The following ACSF3 variants were observed in gnomAD, a reference collection of about 807,000 sequenced individuals.
The protein encoded by ACSF3 is acyl-CoA synthetase family member 3.
Under a neutral mutation model 53.2 loss-of-function variants are expected in ACSF3, and 78 were observed. The ratio of observed to expected loss-of-function variants is 1.47; its 90% CI spans 1.22 to 1.77. ACSF3 has a LOEUF of 1.77. ACSF3 is among the 40% of genes most tolerant of loss of function. The pLI, the probability that ACSF3 is intolerant of heterozygous loss-of-function variation, is 0.00. For missense variants in ACSF3, 937 were observed against 771.1 expected (o/e 1.22, Z -2.55); for synonymous variants, 414 against 333.1 (o/e 1.24, Z -2.65).
rs151018123 is a variant in ACSF3, at chr16:89,154,612, C to T, written c.*405C>T. ...AAGCCCCTGTCCCACGCCGTCTGCA[C>T]GTGCCTGTGCCTCACCCAGAGCCAG... On this transcript the variant is annotated 3_prime_UTR_variant, in exon 11 of 11. Transcript: ENST00000614302. 85 of 455,604 alleles carry T rather than the reference C, an allele frequency of 1.9e-4. No homozygotes were observed. The highest frequency in any genetic ancestry group is 1.5e-3 in the African/African-American group (75 of 50,178). The allele number at this position is 455,604 out of a possible 1,614,324, so 28.2% of individuals were successfully genotyped here. A position where few individuals can be genotyped will look rare whatever the true frequency, so the allele number is the denominator to read the frequency against.
chr16:89,108,300 G>C (rs940883105), intron 4 of ACSF3, among the ~76,000 whole-genome samples: 2 of 152,170 alleles, frequency 1.3e-5, no homozygotes, highest in Admixed American at 6.5e-5. Context: ...TGTCCCTACA[G>C]AGGTTCTCCG....
rs1429070906 is a variant in ACSF3 at position 89,098,701 on chromosome 16, G to A, written c.-83G>A. 4.4e-6 allele frequency: 2 copies of A among 454,116 alleles called. No individual in the cohort carries two copies. The highest frequency in any genetic ancestry group is 8.8e-6 in the Non-Finnish European group (2 of 226,786). The allele number at this position is 454,116 out of a possible 1,614,324, so 28.1% of individuals were successfully genotyped here. On this transcript the variant is annotated 5_prime_UTR_variant, in exon 2 of 11. The change creates a new upstream start codon in the 5' untranslated region. Transcript: ENST00000614302. ...TGCCCTTCCACCTGCTGAAGCAGCT[G>A]TGCCTGCCGCTCTTGTGAACTGCGA...
At chr16:89,116,082 T>C (rs1351686394) in intron 6 of ACSF3, among the ~76,000 whole-genome samples, 1 of 152,222 alleles carries the variant, frequency 6.6e-6, no homozygotes, top group Non-Finnish European at 1.5e-5. Context: ...TTTCAGCTCT[T>C]ACGTTTGGGA....
chr16:89,102,809 C>G (rs574607665), intron 4 of ACSF3, 50 bp downstream of exon 4: 24 of 1,521,044 alleles, frequency 1.6e-5, no homozygotes, highest in Middle Eastern at 1.7e-4. Context: ...AGGCGCCTTT[C>G]CCCTGTCGGG....
At position 89,146,061 on chromosome 16, in the gene ACSF3, T is replaced by TGGGGGGGGG; in HGVS notation, c.1613+16_1613+17insGGGGGGGGG. 5 of 356,100 alleles carry TGGGGGGGGG rather than the reference T, an allele frequency of 1.4e-5. No homozygotes were observed. The highest frequency in any genetic ancestry group is 7.3e-5 in the East Asian group (1 of 13,720). 22.1% of individuals were successfully genotyped at this position (356,100 alleles called of 1,614,324 possible). ...AAAGAGTGGGCCAGGTAGGGCTGGG[T>TGGGGGGGGG]GGGGCGGGCAGGGAGCACTCATGGG... On this transcript the variant is annotated intron_variant, in intron 10 of 10. Coordinates refer to ENST00000614302, the MANE Select transcript of ACSF3 (RefSeq NM_001243279.3).
At chr16:89,150,336 ACTCAGCAGCAG>A (rs1317339989) in intron 10 of ACSF3, 1 of 152,682 alleles carries the variant, frequency 6.5e-6, no homozygotes, top group African/African-American at 2.4e-5. Flanking sequence ...GAGCACTGCC[ACTCAGCAGCAG>A]CTGCTGCTTT....
At chr16:89,115,835 T>A (rs1905038172) in intron 6 of ACSF3, among the ~76,000 whole-genome samples, 1 of 152,206 alleles carries the variant, frequency 6.6e-6, no homozygotes, top group Non-Finnish European at 1.5e-5. Flanking sequence ...TGTCATTCCG[T>A]TTTCAACTGG....
chr16:89,120,666 G>C, intron 6 of ACSF3, 135 bp from the exon 7 acceptor site: 1 of 837,642 alleles, frequency 1.2e-6, no homozygotes, highest in Non-Finnish European at 2.1e-6. Context: ...TGGGTCACAG[G>C]GCACGTCGCT....
At chr16:89,147,264 T>G (rs373138202) in intron 10 of ACSF3, among the ~76,000 whole-genome samples, 42 of 24,760 alleles carry the variant, frequency 1.7e-3, no homozygotes, top group African/African-American at 3.0e-3. Flanking sequence ...ACAGAGTGAG[T>G]GAGGGAGGAG....
At chr16:89,153,503 G>T (rs538162345) in intron 10 of ACSF3, 6 of 154,376 alleles carry the variant, frequency 3.9e-5, no homozygotes, top group Non-Finnish European at 5.7e-5. Flanking sequence ...CCATGAGGAA[G>T]GGGGACCCTG....
chr16:89,142,038 A>G (rs943358888), intron 8 of ACSF3, among the ~76,000 whole-genome samples: 6 of 152,194 alleles, frequency 3.9e-5, no homozygotes, highest in African/African-American at 1.2e-4. Context: ...TCCGGCACAG[A>G]AGCCTGGGGC....
At chr16:89,119,711 G>A (rs146887886) in intron 6 of ACSF3, among the ~76,000 whole-genome samples, 1 of 152,188 alleles carries the variant, frequency 6.6e-6, no homozygotes, top group South Asian at 2.1e-4. Flanking sequence ...AACTCCCGAG[G>A]TGACACTCCG....
chr16:89,142,808 G>T (rs1400380601), intron 8 of ACSF3, among the ~76,000 whole-genome samples: 2 of 152,178 alleles, frequency 1.3e-5, no homozygotes, highest in African/African-American at 4.8e-5. Flanking sequence ...CACACCTGCA[G>T]ACACACCCAC....
chr16:89,126,815 C>T (rs938388852), intron 7 of ACSF3, among the ~76,000 whole-genome samples: 2 of 152,224 alleles, frequency 1.3e-5, no homozygotes, highest in African/African-American at 2.4e-5. Flanking sequence ...ACTTCCAATA[C>T]GATACTGAAC....
chr16:89,120,112 C>T (rs1906262085), intron 6 of ACSF3, among the ~76,000 whole-genome samples: 1 of 152,258 alleles, frequency 6.6e-6, no homozygotes, highest in Non-Finnish European at 1.5e-5. Context: ...GAGGCTGCGG[C>T]AGCCCTGCGT....
intron 4 of ACSF3, among the ~76,000 whole-genome samples, chr16:89,105,870 G>A (rs1192732298): frequency 1.3e-5 from 2 of 152,250 alleles, no homozygotes; most frequent in African/African-American, 2.4e-5. Flanking sequence ...TAAAGAGTGT[G>A]TTACCCTCAG....
chr16:89,141,069 A>G (rs1911655145), intron 8 of ACSF3: 2 of 1,272,282 alleles, frequency 1.6e-6, no homozygotes, highest in South Asian at 2.5e-5. Context: ...TTTCACAGTG[A>G]TCGCAAGTTG....
At chr16:89,111,854 C>T (rs1021878679) in intron 4 of ACSF3, among the ~76,000 whole-genome samples, 19 of 152,196 alleles carry the variant, frequency 1.2e-4, no homozygotes, top group African/African-American at 4.6e-4. Context: ...CCACAGATCC[C>T]GAAGCCCTTT....
intron 7 of ACSF3, among the ~76,000 whole-genome samples, chr16:89,121,226 C>T (rs1906573013): frequency 6.6e-6 from 1 of 152,268 alleles, no homozygotes; most frequent in Non-Finnish European, 1.5e-5. Context: ...CTGACGTGGG[C>T]CATGATGGCC....
Sources: gnomAD v4.1 joint callset for allele counts (sites outside exome capture counted in the v4.1 genomes callset) on GRCh38, gnomAD v4.1.1 for gene constraint, MANE v1.5 for transcripts, NCBI Gene and HGNC (gene_info 2026-07-23, HGNC 2026-07-21) for gene names.